Variants in HS2ST1 observed in about 807,000 individuals in gnomAD.
HS2ST1 encodes heparan sulfate 2-O-sulfotransferase 1.
In HS2ST1, 18 loss-of-function variants were observed where a neutral mutation model predicts 42.9. The observed-to-expected ratio is 0.42, with a 90% CI of 0.29 to 0.62. The LOEUF (loss-of-function observed/expected upper bound fraction) is 0.62. Ranked by LOEUF, HS2ST1 falls within the 20% of genes least tolerant of loss-of-function variation. The pLI, the probability that HS2ST1 is intolerant of heterozygous loss-of-function variation, is 0.21. For missense variants in HS2ST1, 334 were observed against 433.8 expected, an observed-to-expected ratio of 0.77 and a Z score of 2.04; for synonymous variants, 146 against 152.9, an observed-to-expected ratio of 0.95 and a Z score of 0.33.
intron 1 of HS2ST1, among the ~76,000 whole-genome samples, chr1:86,947,266 T>C (rs1430241795): frequency 2.0e-5 from 3 of 152,208 alleles, no homozygotes; most frequent in Non-Finnish European, 2.9e-5. Context: ...CAGGCAGAAA[T>C]GTGAGAGAGC....
At chr1:86,993,158 C>A (rs1165128926) in intron 1 of HS2ST1, 2 of 1,589,178 alleles carry the variant, frequency 1.3e-6, no homozygotes, top group Non-Finnish European at 1.7e-6. Flanking sequence ...ATGTCCTAAA[C>A]CCTCATCAAC....
intron 1 of HS2ST1, among the ~76,000 whole-genome samples, chr1:86,955,013 A>C (rs1647637401): frequency 6.6e-6 from 1 of 152,058 alleles, no homozygotes; most frequent in Non-Finnish European, 1.5e-5. Context: ...TGGGCGAATC[A>C]CTTGAACTGG....
chr1:87,090,826 G>T (rs1651922366), intron 3 of HS2ST1, among the ~76,000 whole-genome samples: 3 of 151,874 alleles, frequency 2.0e-5, no homozygotes, highest in Admixed American at 2.0e-4. Flanking sequence ...TCTCCTTGCT[G>T]TTCCTCAAAA....
chr1:86,972,247 A>T (rs1648255193), intron 1 of HS2ST1, among the ~76,000 whole-genome samples: 2 of 152,230 alleles, frequency 1.3e-5, no homozygotes, highest in Non-Finnish European at 2.9e-5. Context: ...AGCCAAGGTC[A>T]ACCTTGGTCT....
intron 1 of HS2ST1, among the ~76,000 whole-genome samples, chr1:86,927,677 AC>A (rs1168374395): frequency 6.6e-6 from 1 of 151,950 alleles, no homozygotes; most frequent in Non-Finnish European, 1.5e-5. Flanking sequence ...TGTGTTGAAA[AC>A]CCTTCGATTT....
intron 1 of HS2ST1, among the ~76,000 whole-genome samples, chr1:87,072,461 C>T (rs1164972548): frequency 6.7e-6 from 1 of 150,288 alleles, no homozygotes; most frequent in African/African-American, 2.4e-5. Context: ...CTTTTAAGTG[C>T]ATTTTTATAC....
intron 1 of HS2ST1, among the ~76,000 whole-genome samples, chr1:86,991,399 G>A (rs113103082): frequency 0.014 from 2,112 of 152,182 alleles, 54 homozygotes; most frequent in African/African-American, 0.048. Flanking sequence ...CAGAAGTGAG[G>A]TACAGAAAGT....
chr1:86,917,353 T>C (rs1318893612), intron 1 of HS2ST1, among the ~76,000 whole-genome samples: 1 of 152,140 alleles, frequency 6.6e-6, no homozygotes, highest in Admixed American at 6.5e-5. Context: ...ACCCTATCTC[T>C]ACTAAAAATA....
At chr1:87,072,896 T>C in intron 1 of HS2ST1, 38 bp from the exon 2 acceptor site, 1 of 1,420,706 alleles carries the variant, frequency 7.0e-7, no homozygotes, top group Non-Finnish European at 9.9e-7. Context: ...CCTTATAGTG[T>C]CCTTAAAAAC....
chr1:86,951,517 A>C (rs1012292220), intron 1 of HS2ST1, among the ~76,000 whole-genome samples: 1 of 149,878 alleles, frequency 6.7e-6, no homozygotes, highest in Admixed American at 6.7e-5. Flanking sequence ...GCACATATCT[A>C]AATTAAAATG....
chr1:87,051,142 C>A (rs1248062603), intron 1 of HS2ST1, among the ~76,000 whole-genome samples: 2 of 151,998 alleles, frequency 1.3e-5, no homozygotes, highest in Non-Finnish European at 2.9e-5. Flanking sequence ...ATGGTCATCA[C>A]CTTTCTTTCA....
At chr1:87,098,509 A>T (rs1453070986) in intron 5 of HS2ST1, 1 of 362,106 alleles carries the variant, frequency 2.8e-6, no homozygotes, top group Non-Finnish European at 3.8e-6. Context: ...CAATCATTTT[A>T]ATAGGAGAAG....
At chr1:87,059,227 T>TGC (rs962759164) in intron 1 of HS2ST1, among the ~76,000 whole-genome samples, 1 of 152,234 alleles carries the variant, frequency 6.6e-6, no homozygotes, top group African/African-American at 2.4e-5. Context: ...ATAATCATTA[T>TGC]GCTAGTATAT....
intron 1 of HS2ST1, among the ~76,000 whole-genome samples, chr1:86,917,609 T>A (rs1221981376): frequency 6.6e-6 from 1 of 152,052 alleles, no homozygotes; most frequent in Non-Finnish European, 1.5e-5. Flanking sequence ...CAAGACCACA[T>A]CGCATTTAAG....
intron 1 of HS2ST1, among the ~76,000 whole-genome samples, chr1:87,016,301 T>C (rs1649756900): frequency 6.6e-6 from 1 of 152,208 alleles, no homozygotes. Context: ...ATCAGGATAT[T>C]TAACCTTGAG....
At chr1:86,935,313 A>G (rs1660622864) in intron 1 of HS2ST1, among the ~76,000 whole-genome samples, 1 of 152,006 alleles carries the variant, frequency 6.6e-6, no homozygotes, top group African/African-American at 2.4e-5. Context: ...AAAGAAGTAG[A>G]ATTATAAATA....
intron 1 of HS2ST1, among the ~76,000 whole-genome samples, chr1:86,996,348 A>G (rs1649103277): frequency 1.3e-5 from 2 of 151,258 alleles, no homozygotes; most frequent in East Asian, 3.9e-4. Context: ...AGGCTGAGGC[A>G]GGAGAATCGC....
intron 1 of HS2ST1, among the ~76,000 whole-genome samples, chr1:87,020,812 A>G (rs761000799): frequency 6.6e-6 from 1 of 152,214 alleles, no homozygotes; most frequent in Non-Finnish European, 1.5e-5. Flanking sequence ...CTTTAAATAC[A>G]GTTACATTCA....
chr1:87,085,068 C>T (rs1418110387), intron 3 of HS2ST1, among the ~76,000 whole-genome samples: 1 of 152,162 alleles, frequency 6.6e-6, no homozygotes, highest in Non-Finnish European at 1.5e-5. Context: ...ATTAATTAAA[C>T]TTAATATTCC....
Sources: allele counts gnomAD v4.1 joint callset (sites outside exome capture counted in the v4.1 genomes callset), GRCh38; gene constraint gnomAD v4.1.1; transcripts MANE v1.5; gene names NCBI Gene and HGNC (gene_info 2026-07-23, HGNC 2026-07-21).